MYO18B: variants seen among roughly 807,000 people sequenced by gnomAD.
MYO18B encodes unconventional myosin-XVIIIb.
A neutral mutation model predicts 273.0 loss-of-function variants in MYO18B; 204 were observed. The ratio of observed to expected loss-of-function variants is 0.75; its 90% CI spans 0.67 to 0.84. The LOEUF is 0.84. Ranked by LOEUF, MYO18B falls within the 40% of genes least tolerant of loss-of-function variation. MYO18B has a pLI of 0.00. For missense variants in MYO18B, 3,212 were observed against 3,287.6 expected (o/e 0.98, Z 0.56); for synonymous variants, 1,330 against 1,305.7 (o/e 1.02, Z -0.40).
intron 39 of MYO18B, among the ~76,000 whole-genome samples, chr22:25,985,715 C>T (rs9608438): frequency 0.2 from 30,133 of 151,862 alleles, 3,458 homozygotes; most frequent in Non-Finnish European, 0.26. Flanking sequence ...ATGCACCCTC[C>T]GCCTCCCAGG....
chr22:25,873,903 G>A (rs1294297057), intron 22 of MYO18B, among the ~76,000 whole-genome samples: 1 of 152,202 alleles, frequency 6.6e-6, no homozygotes, highest in African/African-American at 2.4e-5. Flanking sequence ...GCACAGAACA[G>A]TTTAGGCAAG....
downstream of MYO18B, among the ~76,000 whole-genome samples, chr22:26,034,488 C>A (rs1319433288): frequency 6.6e-6 from 1 of 152,196 alleles, no homozygotes; most frequent in Non-Finnish European, 1.5e-5. Flanking sequence ...CATGAATCAG[C>A]CCATTGATTG....
chr22:25,742,346 T>A (rs759995699), intron 1 of MYO18B, 53 bp downstream of exon 1: 1 of 152,284 alleles, frequency 6.6e-6, no homozygotes, highest in Non-Finnish European at 1.5e-5. Flanking sequence ...TCGGCGAGTT[T>A]TAATTTTCCG....
intron 1 of MYO18B, among the ~76,000 whole-genome samples, chr22:25,753,236 TGTGGGGGGGGCGGGG>T (rs2085997300): frequency 6.7e-6 from 1 of 150,264 alleles, no homozygotes; most frequent in African/African-American, 2.4e-5. Context: ...CAGGGGCGGG[TGTGGGGGGGGCGGGG>T]GTTGCTGGAT....
At chr22:25,862,845 T>C (rs559513831) in intron 21 of MYO18B, among the ~76,000 whole-genome samples, 1 of 145,660 alleles carries the variant, frequency 6.9e-6, no homozygotes, top group East Asian at 2.1e-4. Flanking sequence ...GACTTTTTTT[T>C]TGGGGGGGGG....
At chr22:25,867,578 T>G (rs936564847) in intron 21 of MYO18B, among the ~76,000 whole-genome samples, 1 of 152,224 alleles carries the variant, frequency 6.6e-6, no homozygotes, top group African/African-American at 2.4e-5. Flanking sequence ...AGTATAATGC[T>G]GCTATGAACA....
At chr22:25,869,072 A>T (rs1452623325) in intron 22 of MYO18B, among the ~76,000 whole-genome samples, 1 of 152,050 alleles carries the variant, frequency 6.6e-6, no homozygotes, top group Non-Finnish European at 1.5e-5. Flanking sequence ...TGTTCCATGG[A>T]TTATAGTTTG....
chr22:25,901,829 TTG>T (rs1457115889), intron 29 of MYO18B, among the ~76,000 whole-genome samples: 11 of 127,644 alleles, frequency 8.6e-5, no homozygotes, highest in African/African-American at 2.2e-4. Flanking sequence ...TTTTTTTTTT[TTG>T]AGACAAGGTC....
chr22:25,817,024 T>C (rs1016515037), intron 12 of MYO18B, among the ~76,000 whole-genome samples: 1 of 152,222 alleles, frequency 6.6e-6, no homozygotes. Flanking sequence ...GAGGCCACAG[T>C]AATTGATAGC....
chr22:25,907,883 A>C (rs923569822), intron 31 of MYO18B, among the ~76,000 whole-genome samples: 1 of 152,068 alleles, frequency 6.6e-6, no homozygotes, highest in Non-Finnish European at 1.5e-5. Context: ...AAAATACAAA[A>C]ATTAGCCAGG....
At chr22:25,807,624 G>C (rs1382037009) in intron 12 of MYO18B, among the ~76,000 whole-genome samples, 1 of 152,122 alleles carries the variant, frequency 6.6e-6, no homozygotes, top group Non-Finnish European at 1.5e-5. Flanking sequence ...TGGCATGGTG[G>C]CTTCAGGACT....
At chr22:25,950,619 T>G (rs147224299) in intron 37 of MYO18B, among the ~76,000 whole-genome samples, 169 bp downstream of exon 37, 1,926 of 152,096 alleles carry the variant, frequency 0.013, 34 homozygotes, top group African/African-American at 0.043. Context: ...TCACCCAGAC[T>G]GGAGTGAAGT....
chr22:25,954,095 T>G (rs1164333473), intron 38 of MYO18B, among the ~76,000 whole-genome samples: 1 of 152,238 alleles, frequency 6.6e-6, no homozygotes, highest in Non-Finnish European at 1.5e-5. Context: ...TCCCGTCTTA[T>G]GTCAACACTA....
At chr22:26,050,446 T>C in the MYO18B span, among the ~76,000 whole-genome samples, 9 of 152,234 alleles carry the variant, frequency 5.9e-5, no homozygotes, top group African/African-American at 1.9e-4. Flanking sequence ...GATTGCCTTC[T>C]GCAGTCACTT....
At chr22:25,792,799 T>C (rs1020998465) in intron 11 of MYO18B, among the ~76,000 whole-genome samples, 2 of 152,154 alleles carry the variant, frequency 1.3e-5, no homozygotes, top group African/African-American at 4.8e-5. Context: ...GTGTCCAGCA[T>C]TTTCCTCCCC....
chr22:25,906,847 C>T (rs1349485000), intron 31 of MYO18B, among the ~76,000 whole-genome samples: 1 of 152,136 alleles, frequency 6.6e-6, no homozygotes, highest in Non-Finnish European at 1.5e-5. Flanking sequence ...AAAACTCATT[C>T]ACTATCATGA....
rs548802894 is a variant in MYO18B at position 25,885,211 on chromosome 22, A to G, written c.4315-5545A>G. ...CATTATCTAATTTTACCTTTAACTG[A>G]AACTGTGAAGAAGGTGTTAGTATCC... On this transcript the variant is annotated intron_variant, in intron 25 of 43. Transcript: ENST00000335473. Among the ~76,000 whole-genome samples, 14 of 152,352 alleles carry G rather than the reference A, an allele frequency of 9.2e-5. 2 individuals carry two copies. The East Asian group carries it at 2.7e-3, about 29-fold the overall frequency.
intron 21 of MYO18B, among the ~76,000 whole-genome samples, chr22:25,865,342 T>C (rs560596511): frequency 1.3e-5 from 2 of 152,324 alleles, no homozygotes; most frequent in East Asian, 1.9e-4. Flanking sequence ...CTCAGCTACA[T>C]AGACATCTAA....
chr22:25,968,021 C>G (rs796123757), intron 39 of MYO18B, among the ~76,000 whole-genome samples: 60 of 152,286 alleles, frequency 3.9e-4, no homozygotes, highest in African/African-American at 1.3e-3. Context: ...TGAATCCCTC[C>G]CTTCCCATTG....
Sources: gnomAD v4.1 joint callset for allele counts (sites outside exome capture counted in the v4.1 genomes callset) on GRCh38, gnomAD v4.1.1 for gene constraint, MANE v1.5 for transcripts, NCBI Gene and HGNC (gene_info 2026-07-23, HGNC 2026-07-21) for gene names.